Variants in ARHGEF6 observed in about 807,000 individuals in gnomAD.
The protein encoded by ARHGEF6 is rho guanine nucleotide exchange factor 6.
A neutral mutation model predicts 70.3 loss-of-function variants in ARHGEF6; 9 were observed. The ratio of observed to expected loss-of-function variants is 0.13; its 90% CI spans 0.08 to 0.22. The LOEUF (loss-of-function observed/expected upper bound fraction) is 0.22. ARHGEF6 is among the 10% of genes least tolerant of loss of function. ARHGEF6 has a pLI of 1.00. For missense variants in ARHGEF6, 470 were observed against 563.0 expected (o/e 0.83, Z 1.67); for synonymous variants, 201 against 207.8 (o/e 0.97, Z 0.28).
At chrX:136,729,605 G>A (rs1203508891) in intron 6 of ARHGEF6, among the ~76,000 whole-genome samples, 1 of 108,788 alleles carries the variant, frequency 9.2e-6, no homozygotes, top group Admixed American at 9.9e-5. Context: ...GCCAAGGCGG[G>A]CAGATAACGA....
chrX:136,696,853 G>A (rs2076517961), intron 9 of ARHGEF6, among the ~76,000 whole-genome samples: 1 of 109,986 alleles, frequency 9.1e-6, no homozygotes, highest in Non-Finnish European at 1.9e-5. Context: ...GGCCTCCCTG[G>A]CCTCTCAGCT....
chrX:136,747,737 C>T, intron 2 of ARHGEF6, 145 bp from the exon 3 acceptor site: 2 of 444,247 alleles, frequency 4.5e-6, no homozygotes. Flanking sequence ...CCTCCATATA[C>T]CTTTGGGAGA....
chrX:136,671,780 G>A (rs1055719044), intron 20 of ARHGEF6, among the ~76,000 whole-genome samples: 10 of 112,124 alleles, frequency 8.9e-5, no homozygotes, highest in Non-Finnish European at 1.7e-4. Flanking sequence ...CTGGCTGCAG[G>A]GGCAGCTGCC....
At chrX:136,749,594 C>A (rs772905692) in intron 2 of ARHGEF6, among the ~76,000 whole-genome samples, 1 of 112,153 alleles carries the variant, frequency 8.9e-6, no homozygotes, top group South Asian at 3.7e-4. Context: ...TTCACTTGTA[C>A]AAGTACTTGA....
In ARHGEF6 at chrX:136,774,467, A is replaced by G. The variant is rs1295599314; in HGVS notation, c.249+4947T>C. Among the ~76,000 whole-genome samples the G allele has an allele frequency of 1.2e-4, 13 of 109,688 alleles. No homozygotes were observed. In the Admixed American group the frequency reaches 1.3e-3, roughly 11 times the overall value. On this transcript the variant is annotated intron_variant, in intron 2 of 21. Transcript: ENST00000250617. ...GGAGCTTGAGATCAGCCTGGCCAAC[A>G]TGGTGAAACTCCGTCTCTACTAAAA... is the stretch of plus-strand genomic sequence containing the variant.
At chrX:136,773,200 G>A (rs1274917039) in intron 2 of ARHGEF6, among the ~76,000 whole-genome samples, 3 of 111,719 alleles carry the variant, frequency 2.7e-5, no homozygotes, top group African/African-American at 9.8e-5. Flanking sequence ...ACAATTTCAA[G>A]CCGGTATGCT....
intron 5 of ARHGEF6, among the ~76,000 whole-genome samples, chrX:136,736,213 C>G (rs987142437): frequency 4.5e-5 from 5 of 111,590 alleles, no homozygotes; most frequent in Non-Finnish European, 9.4e-5. Context: ...ACTGTGCTAG[C>G]AGAAATTACT....
intron 2 of ARHGEF6, among the ~76,000 whole-genome samples, chrX:136,769,368 C>T (rs1211435211): frequency 9.0e-6 from 1 of 111,294 alleles, no homozygotes; most frequent in Admixed American, 9.5e-5. Context: ...GCCTAGATCA[C>T]GCCACTGCAC....
intron 2 of ARHGEF6, among the ~76,000 whole-genome samples, chrX:136,751,544 T>A (rs2077150721): frequency 9.0e-6 from 1 of 111,699 alleles, no homozygotes; most frequent in Non-Finnish European, 1.9e-5. Context: ...CAAATTCATA[T>A]GTTGAAACCT....
chrX:136,741,849 G>A (rs2077045967), intron 5 of ARHGEF6, among the ~76,000 whole-genome samples: 1 of 111,794 alleles, frequency 8.9e-6, no homozygotes, highest in Non-Finnish European at 1.9e-5. Context: ...TATTCTTAGT[G>A]TCTCATCCAG....
intron 9 of ARHGEF6, among the ~76,000 whole-genome samples, chrX:136,693,568 T>C (rs2076479669): frequency 8.9e-6 from 1 of 112,331 alleles, no homozygotes; most frequent in African/African-American, 3.2e-5. Context: ...CTTAAAATGT[T>C]CTGTATATGT....
intron 4 of ARHGEF6, among the ~76,000 whole-genome samples, chrX:136,745,000 G>A (rs1451745782): frequency 9.0e-6 from 1 of 111,658 alleles, no homozygotes; most frequent in African/African-American, 3.3e-5. Flanking sequence ...CCTAATTCTC[G>A]TAAGGGACAG....
chrX:136,707,160 T>C, intron 8 of ARHGEF6, 130 bp from the exon 9 acceptor site: 2 of 811,004 alleles, frequency 2.5e-6, no homozygotes, highest in Non-Finnish European at 3.5e-6. Flanking sequence ...GAAACTATAT[T>C]ATAACCATTT....
intron 19 of ARHGEF6, among the ~76,000 whole-genome samples, chrX:136,673,413 C>T (rs975239499): frequency 6.3e-5 from 7 of 111,895 alleles, no homozygotes; most frequent in Admixed American, 5.7e-4. Context: ...AAGGTCACCA[C>T]GATGCTAAAT....
intron 2 of ARHGEF6, among the ~76,000 whole-genome samples, chrX:136,775,046 T>A (rs1396790516): frequency 8.9e-6 from 1 of 111,804 alleles, no homozygotes; most frequent in Non-Finnish European, 1.9e-5. Context: ...GAATACTTAC[T>A]ACATTCCGGG....
intron 6 of ARHGEF6, among the ~76,000 whole-genome samples, chrX:136,729,282 A>C (rs2076907485): frequency 9.5e-6 from 1 of 105,415 alleles, no homozygotes; most frequent in South Asian, 4.4e-4. Flanking sequence ...AGCCTGGCCA[A>C]CATGGTGAAA....
intron 9 of ARHGEF6, among the ~76,000 whole-genome samples, chrX:136,705,325 G>A (rs905138938): frequency 9.1e-6 from 1 of 110,122 alleles, no homozygotes; most frequent in Non-Finnish European, 1.9e-5. Context: ...GGGGAGGGGA[G>A]GGAGAAAAGA....
intron 6 of ARHGEF6, among the ~76,000 whole-genome samples, chrX:136,720,789 G>C (rs1469300559): frequency 1.8e-5 from 2 of 112,334 alleles, no homozygotes; most frequent in African/African-American, 3.2e-5. Context: ...GAGCTAATGA[G>C]TGATTATAAC....
chrX:136,681,628 G>A (rs1240379152), intron 14 of ARHGEF6, among the ~76,000 whole-genome samples: 1 of 112,142 alleles, frequency 8.9e-6, no homozygotes, highest in Non-Finnish European at 1.9e-5. Flanking sequence ...AGTCCATTTC[G>A]TTATTCCTTA....
Sources: allele counts gnomAD v4.1 joint callset (sites outside exome capture counted in the v4.1 genomes callset), GRCh38; gene constraint gnomAD v4.1.1; transcripts MANE v1.5; gene names NCBI Gene and HGNC (gene_info 2026-07-23, HGNC 2026-07-21).